The following ALX1 variants were observed in gnomAD, a reference collection of about 807,000 sequenced individuals.
ALX1 encodes the protein ALX homeobox protein 1.
Under a neutral mutation model 31.7 loss-of-function variants are expected in ALX1, and 19 were observed. The observed-to-expected ratio is 0.60, with a 90% CI of 0.42 to 0.88. The LOEUF is 0.88. Among genes scored for constraint, ALX1 ranks in the 40% least tolerant of loss-of-function variants. The pLI is 0.00. For missense variants in ALX1, 415 were observed against 407.8 expected (o/e 1.02, Z -0.15); for synonymous variants, 153 against 148.8 (o/e 1.03, Z -0.20).
chr12:85,295,708 G>A (rs997632232), intron 3 of ALX1, among the ~76,000 whole-genome samples: 2 of 151,470 alleles, frequency 1.3e-5, no homozygotes, highest in South Asian at 2.1e-4. Context: ...GTGTGAGTGT[G>A]CACATGGAGT....
chr12:85,285,001 AATGGTT>A (rs1267483362), intron 2 of ALX1, among the ~76,000 whole-genome samples: 1 of 152,072 alleles, frequency 6.6e-6, no homozygotes, highest in African/African-American at 2.4e-5. Context: ...TGTGGAAGCA[AATGGTT>A]ACTTTATCTT....
intron 1 of ALX1, among the ~76,000 whole-genome samples, chr12:85,282,551 G>T (rs956054098): frequency 1.1e-4 from 17 of 152,048 alleles, no homozygotes; most frequent in African/African-American, 3.9e-4. Context: ...AATGAAAAAA[G>T]TATGATCATC....
At chr12:85,298,377 C>A (rs990847766) in intron 3 of ALX1, among the ~76,000 whole-genome samples, 3 of 151,568 alleles carry the variant, frequency 2.0e-5, no homozygotes, top group African/African-American at 7.3e-5. Flanking sequence ...AATTGGTAAC[C>A]ATTAGCTATA....
rs1297356530 is a variant in ALX1, at chr12:85,297,886, G to A, written c.661-3269G>A. On this transcript the variant is annotated intron_variant, in intron 3 of 3. Transcript: ENST00000316824. The stretch of plus-strand genomic sequence containing the variant: ...ATCACTGTTAAGATTATTGAGTATG[G>A]TGATTTGGGAGTTCATATTATGAAA... 2.0e-5 allele frequency among the ~76,000 whole-genome samples: 3 copies of A among 151,600 alleles called. No individual in the cohort carries two copies. The East Asian group carries it at 5.8e-4, about 29-fold the overall frequency.
chr12:85,299,101 A>T (rs1896927084), intron 3 of ALX1, among the ~76,000 whole-genome samples: 1 of 151,722 alleles, frequency 6.6e-6, no homozygotes, highest in African/African-American at 2.4e-5. Context: ...AACAAAATAT[A>T]AATAATCCTT....
intron 3 of ALX1, among the ~76,000 whole-genome samples, chr12:85,298,285 C>T (rs554272865): frequency 4.0e-4 from 61 of 151,748 alleles, no homozygotes; most frequent in African/African-American, 1.4e-3. Context: ...AGGGGGATAG[C>T]AAAAGAACAC....
chr12:85,281,798 T>C (rs1593046697), intron 1 of ALX1, among the ~76,000 whole-genome samples: 1 of 152,234 alleles, frequency 6.6e-6, no homozygotes, highest in African/African-American at 2.4e-5. Flanking sequence ...CTGGTATCTG[T>C]ATTTGTGGAA....
chr12:85,298,767 G>A (rs1896921931), intron 3 of ALX1, among the ~76,000 whole-genome samples: 1 of 151,726 alleles, frequency 6.6e-6, no homozygotes, highest in African/African-American at 2.4e-5. Flanking sequence ...AGAAAAACAT[G>A]TCTATATGTT....
Position 85,280,276 on chromosome 12 carries a change from C to T in ALX1, c.15C>T (p.Ser5=). Residue 5 remains serine (S), a synonymous_variant, in exon 1 of 4, where the codon AGC becomes AGT. Coordinates refer to ENST00000316824, the MANE Select transcript of ALX1 (RefSeq NM_006982.3). ...CTTCCAGGATTATGGAGTTTCTGAG[C>T]GAGAAGTTTGCCCTCAAGAGCCCTC... The part of the protein sequence containing the change: MEFL[S]EKFALKSPPS... 6.2e-7 allele frequency: 1 copy of T among 1,613,334 alleles called. No individual in the cohort carries two copies.
intron 3 of ALX1, among the ~76,000 whole-genome samples, chr12:85,292,175 C>T (rs75369737): frequency 2.7e-5 from 4 of 150,918 alleles, no homozygotes; most frequent in South Asian, 4.1e-4. Context: ...TATGTTGTAG[C>T]GTTTTAATTA....
intron 3 of ALX1, among the ~76,000 whole-genome samples, chr12:85,289,460 C>A (rs1896788821): frequency 6.6e-6 from 1 of 151,166 alleles, no homozygotes; most frequent in African/African-American, 2.4e-5. Flanking sequence ...ATTTGATCAT[C>A]TTTTTCACTC....
intron 1 of ALX1, among the ~76,000 whole-genome samples, 192 bp downstream of exon 1, chr12:85,280,679 G>GAGGA (rs1161812744): frequency 6.6e-6 from 1 of 152,186 alleles, no homozygotes; most frequent in African/African-American, 2.4e-5. Flanking sequence ...GGGGCGGAGG[G>GAGGA]CGGAGGGAGG....
intron 3 of ALX1, among the ~76,000 whole-genome samples, chr12:85,296,307 T>G (rs987342622): frequency 6.6e-6 from 1 of 151,640 alleles, no homozygotes; most frequent in Non-Finnish European, 1.5e-5. Flanking sequence ...AGTATTTATG[T>G]TTATGTTAAT....
At chr12:85,282,826 A>G (rs1192301898) in intron 1 of ALX1, among the ~76,000 whole-genome samples, 1 of 152,192 alleles carries the variant, frequency 6.6e-6, no homozygotes, top group Non-Finnish European at 1.5e-5. Context: ...AAAGTTTTCA[A>G]TCCCAAAACT....
chr12:85,297,659 T>A (rs954034030), intron 3 of ALX1, among the ~76,000 whole-genome samples: 7 of 151,574 alleles, frequency 4.6e-5, no homozygotes, highest in African/African-American at 1.7e-4. Flanking sequence ...ACTCCAGTAG[T>A]GTTTCCTAAT....
rs1308148913 is a variant in ALX1 at position 85,280,421 on chromosome 12, G to A, written c.160G>A (p.Gly54Arg). ...TGCAGGCAAATGCGTGCAGGCCTTC[G>A]GACCCCTGCCCCGCGCCGAGCATCA... is the stretch of plus-strand genomic sequence containing the variant. ...ASAGKCVQAFGPLPRAEHHVR... is the reference protein window; with the variant it reads ...ASAGKCVQAFRPLPRAEHHVR... Residue 54 changes from glycine (G) to arginine (R), a missense_variant, in exon 1 of 4, where the codon GGA becomes AGA. By Grantham distance (125) the Gly-to-Arg change is moderately radical. Coordinates refer to ENST00000316824, the MANE Select transcript of ALX1 (RefSeq NM_006982.3). 6 of 1,612,764 alleles carry A rather than the reference G, an allele frequency of 3.7e-6. No individual in the cohort carries two copies. Among genetic ancestry groups the A allele is most frequent in the South Asian group, 1.1e-5 (1 of 91,052 alleles).
At chr12:85,283,959 A>G in intron 2 of ALX1, 83 bp downstream of exon 2, 1 of 1,445,966 alleles carries the variant, frequency 6.9e-7, no homozygotes, top group South Asian at 1.2e-5. Context: ...TTTTGCCACA[A>G]AGAAACAAAC....
chr12:85,294,595 T>G (rs1466796656), intron 3 of ALX1, among the ~76,000 whole-genome samples: 2 of 151,170 alleles, frequency 1.3e-5, no homozygotes, highest in African/African-American at 4.8e-5. Context: ...TTTTCAAATA[T>G]TATTTGAATA....
At chr12:85,282,404 C>G (rs1039760701) in intron 1 of ALX1, among the ~76,000 whole-genome samples, 1 of 151,836 alleles carries the variant, frequency 6.6e-6, no homozygotes, top group Non-Finnish European at 1.5e-5. Flanking sequence ...GAGAGTTACT[C>G]CGTTAGTGAC....
Sources: allele counts gnomAD v4.1 joint callset (sites outside exome capture counted in the v4.1 genomes callset), GRCh38; gene constraint gnomAD v4.1.1; transcripts MANE v1.5; gene names NCBI Gene and HGNC (gene_info 2026-07-23, HGNC 2026-07-21).